The following PRMT3 variants were observed in gnomAD, a reference collection of about 807,000 sequenced individuals.
PRMT3 encodes protein arginine methyltransferase 3, also known as protein arginine N-methyltransferase 3.
PRMT3 carries 62 observed loss-of-function variants against 71.9 expected under a neutral mutation model. The ratio of observed to expected loss-of-function variants is 0.86; its 90% CI spans 0.70 to 1.07. PRMT3 has a LOEUF of 1.07. Among genes scored for constraint, PRMT3 ranks in the 50% least tolerant of loss-of-function variants. The pLI is 0.00. For synonymous variants in PRMT3, 213 were observed against 220.4 expected, an observed-to-expected ratio of 0.97 and a Z score of 0.30; for missense variants, 663 against 643.0, an observed-to-expected ratio of 1.03 and a Z score of -0.34.
intron 10 of PRMT3, among the ~76,000 whole-genome samples, chr11:20,434,130 A>T (rs1849714443): frequency 6.6e-6 from 1 of 152,148 alleles, no homozygotes; most frequent in African/African-American, 2.4e-5. Context: ...ATGATCAGTG[A>T]TATTGAGCTT....
At chr11:20,508,169 A>T in intron 15 of PRMT3, 135 bp from the exon 16 acceptor site, 1 of 455,226 alleles carries the variant, frequency 2.2e-6, no homozygotes, top group Non-Finnish European at 3.9e-6. Context: ...AAAAAAAAAA[A>T]AGAATATTAA....
At chr11:20,393,846 C>G (rs1848768982) in intron 5 of PRMT3, 1 of 152,028 alleles carries the variant, frequency 6.6e-6, no homozygotes, top group Admixed American at 6.5e-5. Flanking sequence ...AATCAAAATA[C>G]AAAATGAGGT....
intron 9 of PRMT3, among the ~76,000 whole-genome samples, chr11:20,419,860 A>G (rs1457779326): frequency 6.6e-6 from 1 of 152,204 alleles, no homozygotes; most frequent in East Asian, 1.9e-4. Context: ...ATGCAAATGC[A>G]AGAATCCTAA....
chr11:20,479,609 T>C (rs1850880465), intron 13 of PRMT3, among the ~76,000 whole-genome samples: 1 of 152,170 alleles, frequency 6.6e-6, no homozygotes, highest in African/African-American at 2.4e-5. Context: ...AGGTGAAGTA[T>C]GTGTGCCGAA....
intron 10 of PRMT3, among the ~76,000 whole-genome samples, chr11:20,443,848 C>CT (rs1278438926): frequency 3.3e-5 from 5 of 152,256 alleles, no homozygotes; most frequent in African/African-American, 9.6e-5. Context: ...GTTTTTTAAA[C>CT]TTTAGAATAT....
At chr11:20,402,435 A>G (rs942046039) in intron 7 of PRMT3, among the ~76,000 whole-genome samples, 2 of 149,204 alleles carry the variant, frequency 1.3e-5, no homozygotes, top group African/African-American at 4.9e-5. Flanking sequence ...TTTTATTTCT[A>G]TTTTTTTTTG....
intron 13 of PRMT3, among the ~76,000 whole-genome samples, chr11:20,488,028 C>T (rs921206866): frequency 6.6e-6 from 1 of 151,724 alleles, no homozygotes; most frequent in African/African-American, 2.4e-5. Flanking sequence ...TATTTTTTAC[C>T]ACCACTCAAT....
intron 15 of PRMT3, among the ~76,000 whole-genome samples, chr11:20,500,689 C>T (rs1404862783): frequency 6.6e-6 from 1 of 152,128 alleles, no homozygotes; most frequent in Non-Finnish European, 1.5e-5. Flanking sequence ...TTGAGAAAAT[C>T]ATTCTTCACA....
chr11:20,407,522 C>T (rs1388981619), intron 8 of PRMT3: 1 of 157,992 alleles, frequency 6.3e-6, no homozygotes, highest in South Asian at 1.8e-4. Flanking sequence ...TGTACTGACT[C>T]ACCCAGACAG....
chr11:20,470,042 C>T (rs1850606506), intron 13 of PRMT3, among the ~76,000 whole-genome samples: 1 of 152,046 alleles, frequency 6.6e-6, no homozygotes, highest in Non-Finnish European at 1.5e-5. Context: ...TGTCATTGTG[C>T]AAATATTATA....
chr11:20,399,088 G>A (rs1049025174), intron 7 of PRMT3, among the ~76,000 whole-genome samples: 16 of 152,150 alleles, frequency 1.1e-4, no homozygotes, highest in Non-Finnish European at 1.6e-4. Context: ...TAAAATAAAT[G>A]TTGGAACGTA....
At chr11:20,452,616 C>T (rs978301293) in intron 11 of PRMT3, among the ~76,000 whole-genome samples, 5 of 152,104 alleles carry the variant, frequency 3.3e-5, no homozygotes, top group African/African-American at 1.2e-4. Flanking sequence ...TCTGTAAACC[C>T]GACTTCTCTG....
At chr11:20,484,107 C>G (rs1851013312) in intron 13 of PRMT3, among the ~76,000 whole-genome samples, 2 of 152,168 alleles carry the variant, frequency 1.3e-5, no homozygotes, top group African/African-American at 4.8e-5. Flanking sequence ...TATTTCATGC[C>G]TTCTGTGCAG....
intron 2 of PRMT3, among the ~76,000 whole-genome samples, chr11:20,388,955 G>A (rs1229489314): frequency 6.6e-6 from 1 of 152,168 alleles, no homozygotes; most frequent in Non-Finnish European, 1.5e-5. Context: ...GTGGTGGTGC[G>A]TTAGTGTTCT....
intron 15 of PRMT3, among the ~76,000 whole-genome samples, chr11:20,500,090 A>C (rs1265411125): frequency 6.6e-6 from 1 of 152,238 alleles, no homozygotes; most frequent in African/African-American, 2.4e-5. Context: ...GGATCAGCAC[A>C]GACAGCGAGA....
chr11:20,472,251 T>C (rs1850663869), intron 13 of PRMT3, among the ~76,000 whole-genome samples: 1 of 152,182 alleles, frequency 6.6e-6, no homozygotes, highest in African/African-American at 2.4e-5. Context: ...ATAGGAGTGG[T>C]GAGAGAGGGC....
At chr11:20,433,622 T>C (rs1023934488) in intron 10 of PRMT3, among the ~76,000 whole-genome samples, 1 of 151,952 alleles carries the variant, frequency 6.6e-6, no homozygotes, top group Non-Finnish European at 1.5e-5. Flanking sequence ...CTGTTTTGTT[T>C]TGTTTTTGTT....
At chr11:20,504,707 T>TGTGTGAGAGCGAGAGAGAGAGA (rs1332372470) in intron 15 of PRMT3, among the ~76,000 whole-genome samples, 1 of 133,590 alleles carries the variant, frequency 7.5e-6, no homozygotes, top group African/African-American at 3.0e-5. Context: ...TGTGTGTGTG[T>TGTGTGAGAGCGAGAGAGAGAGA]GAGAGAGAGA....
At chr11:20,469,392 TAAAGGTATAG>T (rs1399676987) in intron 13 of PRMT3, among the ~76,000 whole-genome samples, 1 of 152,234 alleles carries the variant, frequency 6.6e-6, no homozygotes, top group Non-Finnish European at 1.5e-5. Flanking sequence ...ATAAGCTACT[TAAAGGTATAG>T]AAAGGTATGT....
Sources: gnomAD v4.1 joint callset for allele counts (sites outside exome capture counted in the v4.1 genomes callset) on GRCh38, gnomAD v4.1.1 for gene constraint, MANE v1.5 for transcripts, NCBI Gene and HGNC (gene_info 2026-07-23, HGNC 2026-07-21) for gene names.